Variants in IRAG2 observed in about 807,000 individuals in gnomAD.
IRAG2 encodes the protein inositol 1,4,5-triphosphate receptor associated 2.
Under a neutral mutation model 69.9 loss-of-function variants are expected in IRAG2, and 45 were observed. The observed-to-expected ratio is 0.64, with a 90% CI of 0.51 to 0.83. The LOEUF is 0.83. Among genes scored for constraint, IRAG2 ranks in the 40% least tolerant of loss-of-function variants. The probability of loss-of-function intolerance (pLI) is 0.00; values close to 1 mark genes in which losing one functional copy is unlikely to be tolerated. For missense variants in IRAG2, 520 were observed against 587.0 expected (o/e 0.89, Z 1.18); for synonymous variants, 193 against 202.4 (o/e 0.95, Z 0.40).
chr12:25,019,199 T>C (rs572423674), intron 6 of IRAG2, among the ~76,000 whole-genome samples: 2 of 152,302 alleles, frequency 1.3e-5, no homozygotes, highest in African/African-American at 2.4e-5. Flanking sequence ...CCAGAGGGCA[T>C]GTGTTACAAG....
intron 10 of IRAG2, chr12:25,032,114 G>A (rs1177241098): frequency 5.0e-6 from 2 of 398,484 alleles, no homozygotes; most frequent in Non-Finnish European, 8.9e-6. Context: ...TTACTTTTTT[G>A]CTATTATTTC....
chr12:25,045,028 A>G (rs1433145188), intron 16 of IRAG2, among the ~76,000 whole-genome samples: 1 of 152,136 alleles, frequency 6.6e-6, no homozygotes, highest in Non-Finnish European at 1.5e-5. Context: ...AGAGTAACAA[A>G]TTTAAGATTA....
At chr12:25,050,256 T>C (rs1353791053), upstream of IRAG2, among the ~76,000 whole-genome samples, 6 of 151,170 alleles carry the variant, frequency 4.0e-5, no homozygotes, top group African/African-American at 1.5e-4. Context: ...GAGGGCCGGG[T>C]GCGGTGGCTC....
intron 6 of IRAG2, 26 bp downstream of exon 6, chr12:25,069,457 T>C (rs1267420290): frequency 6.2e-7 from 1 of 1,604,254 alleles, no homozygotes; most frequent in South Asian, 1.1e-5. Context: ...GATTTTGGTT[T>C]CATTTTCAGT....
At chr12:25,006,678 T>C (rs543873805) in intron 2 of IRAG2, among the ~76,000 whole-genome samples, 3 of 152,274 alleles carry the variant, frequency 2.0e-5, no homozygotes, top group Admixed American at 1.3e-4. Flanking sequence ...ACATTGTATA[T>C]ACATGGAAAC....
chr12:25,023,074 C>T (rs1038416657), intron 7 of IRAG2, among the ~76,000 whole-genome samples: 14 of 149,064 alleles, frequency 9.4e-5, no homozygotes, highest in African/African-American at 3.2e-4. Flanking sequence ...TGCAGTGAAC[C>T]GAGATCGCAC....
At chr12:25,048,970 T>C (rs562351801), upstream of IRAG2, among the ~76,000 whole-genome samples, 2 of 152,342 alleles carry the variant, frequency 1.3e-5, no homozygotes, top group African/African-American at 4.8e-5. Flanking sequence ...AGTTTCAATT[T>C]TCTGCATGTA....
At chr12:25,056,162 C>T (rs1945243890) in intron 1 of IRAG2, among the ~76,000 whole-genome samples, 1 of 152,150 alleles carries the variant, frequency 6.6e-6, no homozygotes, top group South Asian at 2.1e-4. Context: ...GGAGGTATGG[C>T]AGAGGTAAAA....
chr12:25,037,359 C>T (rs551321766), intron 15 of IRAG2, among the ~76,000 whole-genome samples: 8 of 152,192 alleles, frequency 5.3e-5, no homozygotes, highest in Non-Finnish European at 7.4e-5. Flanking sequence ...AGGGCAGTGG[C>T]GTGATCTTAG....
intron 2 of IRAG2, among the ~76,000 whole-genome samples, chr12:25,008,016 C>A (rs1458767350): frequency 6.6e-6 from 1 of 151,964 alleles, no homozygotes; most frequent in Non-Finnish European, 1.5e-5. Flanking sequence ...CAGTTTTTAA[C>A]CATTGAGAGT....
At chr12:25,072,566 T>TAC (rs1946407437) in intron 6 of IRAG2, among the ~76,000 whole-genome samples, 1 of 152,246 alleles carries the variant, frequency 6.6e-6, no homozygotes, top group Non-Finnish European at 1.5e-5. Flanking sequence ...TTGTCATTGG[T>TAC]AATAATTACA....
chr12:25,020,072 A>T (rs1204969053), intron 6 of IRAG2, among the ~76,000 whole-genome samples: 1 of 152,200 alleles, frequency 6.6e-6, no homozygotes, highest in Non-Finnish European at 1.5e-5. Context: ...GCACTCAATT[A>T]GTATTTGTTA....
Position 25,101,299 on chromosome 12 carries a change from G to C in IRAG2, c.863G>C (p.Arg288Thr). The change falls in exon 16 of 22, where the codon AGG becomes ACG. Residue 288 changes from arginine (R) to threonine (T), a missense_variant. Arg to Thr is a moderately conservative substitution (Grantham distance 71). Transcript: ENST00000556887. The stretch of plus-strand genomic sequence containing the variant: ...AAACAGGTTCTTCTGCAGAATGAAA[G>C]GTCTTTCAATCCTCTTGAAGATGAT... ...ELKQVLLQNE[R>T]SFNPLEDDDD... 4.4e-6 allele frequency: 7 copies of C among 1,605,814 alleles called. No individual in the cohort carries two copies. The highest frequency in any genetic ancestry group is 5.1e-6 in the Non-Finnish European group (6 of 1,175,514).
Position 25,096,759 on chromosome 12 carries a change from A to G in IRAG2, c.607-151A>G, listed in dbSNP as rs1461318814. 5.0e-6 allele frequency: 3 copies of G among 598,978 alleles called. No homozygotes were observed. In the East Asian group the frequency reaches 8.4e-5, roughly 17 times the overall value. The allele number at this position is 598,978 out of a possible 1,614,324, so 37.1% of individuals were successfully genotyped here. The stretch of plus-strand genomic sequence containing the variant: ...CCAAAAAAGATAATAATATATCAGT[A>G]TCATTCATTATTGATCTTTGCTGCT... On this transcript the variant is annotated intron_variant, in intron 14 of 21. Transcript: ENST00000556887.
At chr12:25,036,053 G>A (rs908728161) in intron 14 of IRAG2, among the ~76,000 whole-genome samples, 1 of 152,160 alleles carries the variant, frequency 6.6e-6, no homozygotes, top group African/African-American at 2.4e-5. Flanking sequence ...GTATCAAAGG[G>A]CTGAAGACAT....
At chr12:25,020,385 C>T (rs1395890936) in intron 6 of IRAG2, among the ~76,000 whole-genome samples, 1 of 152,188 alleles carries the variant, frequency 6.6e-6, no homozygotes, top group Non-Finnish European at 1.5e-5. Flanking sequence ...AGGACCATGT[C>T]CCTTTTGTTC....
chr12:25,045,045 T>A (rs1173267621), intron 16 of IRAG2, among the ~76,000 whole-genome samples: 1 of 152,106 alleles, frequency 6.6e-6, no homozygotes, highest in African/African-American at 2.4e-5. Flanking sequence ...ATTATTGAAA[T>A]CATACTAATT....
chr12:25,015,112 A>AAAAAAAAAAAAAAAAAG (rs1555125446), intron 3 of IRAG2: 1 of 360,094 alleles, frequency 2.8e-6, no homozygotes. Flanking sequence ...AAAAAAAAAA[A>AAAAAAAAAAAAAAAAAG]GACAAAACTT....
chr12:25,077,491 A>G (rs1311514414), intron 6 of IRAG2, among the ~76,000 whole-genome samples: 1 of 150,646 alleles, frequency 6.6e-6, no homozygotes, highest in East Asian at 1.9e-4. Context: ...TCACGTAACT[A>G]CAATTTAAGG....
Sources: gnomAD v4.1 joint callset for allele counts (sites outside exome capture counted in the v4.1 genomes callset) on GRCh38, gnomAD v4.1.1 for gene constraint, MANE v1.5 for transcripts, NCBI Gene and HGNC (gene_info 2026-07-23, HGNC 2026-07-21) for gene names.